The following COL5A1 variants were observed in gnomAD, a reference collection of about 807,000 sequenced individuals.
COL5A1 encodes the protein collagen type V alpha 1 chain.
A neutral mutation model predicts 263.7 loss-of-function variants in COL5A1; 16 were observed. The observed-to-expected ratio is 0.06, with a 90% CI of 0.04 to 0.09. The LOEUF is 0.09. Ranked by LOEUF, COL5A1 falls within the 10% of genes least tolerant of loss-of-function variation. The probability of loss-of-function intolerance (pLI) is 1.00; values close to 1 mark genes in which losing one functional copy is unlikely to be tolerated. For synonymous variants in COL5A1, 1,012 were observed against 1,004.5 expected, an observed-to-expected ratio of 1.01 and a Z score of -0.14; for missense variants, 2,036 against 2,540.5, an observed-to-expected ratio of 0.80 and a Z score of 4.27.
chr9:134,650,480 G>A (rs1420788266), intron 1 of COL5A1, among the ~76,000 whole-genome samples: 1 of 152,258 alleles, frequency 6.6e-6, no homozygotes, highest in African/African-American at 2.4e-5. Flanking sequence ...CTGTGCGGGG[G>A]GCACAGGTGA....
chr9:134,729,969 T>G (rs879722504), intron 6 of COL5A1, among the ~76,000 whole-genome samples: 2 of 152,200 alleles, frequency 1.3e-5, no homozygotes, highest in Non-Finnish European at 2.9e-5. Context: ...CCTTTTCTGG[T>G]GTGTAACTGG....
rs771221331 is a variant in COL5A1, at chr9:134,789,888, G to A, written c.2700+680G>A. Among the ~76,000 whole-genome samples, 33 of 152,354 alleles carry A rather than the reference G, an allele frequency of 2.2e-4. No individual in the cohort carries two copies. The highest frequency in any genetic ancestry group is 4.3e-4 in the Non-Finnish European group (29 of 68,036). ...CCACTTGGGAAAACAGGAGAGAGAT[G>A]GTCCTCAGGCCTTGGACTCTGAGCT... On this transcript the variant is annotated intron_variant, in intron 32 of 65. Coordinates refer to ENST00000371817, the MANE Select transcript of COL5A1 (RefSeq NM_000093.5). This position sits in a 1 kb window ranked among gnomAD's most constrained non-coding sequence, Gnocchi z 4.8.
chr9:134,778,191 G>A (rs966070514), intron 27 of COL5A1, among the ~76,000 whole-genome samples: 9 of 152,150 alleles, frequency 5.9e-5, no homozygotes, highest in Admixed American at 2.6e-4. Context: ...AAACTCTGGG[G>A]GCTTCCAGCC....
At chr9:134,792,770 T>C (rs200725840) in intron 32 of COL5A1, among the ~76,000 whole-genome samples, 2 of 41,996 alleles carry the variant, frequency 4.8e-5, no homozygotes, top group Admixed American at 2.4e-4. Context: ...TGTGTGTGTG[T>C]GCGTGTGTGT....
At chr9:134,807,689 T>C (rs1020452111) in intron 42 of COL5A1, among the ~76,000 whole-genome samples, 1 of 152,204 alleles carries the variant, frequency 6.6e-6, no homozygotes, top group South Asian at 2.1e-4. Context: ...GGAAACCACA[T>C]TGGAAACATC....
In COL5A1 at chr9:134,814,424, G is replaced by A. The variant is rs901925448; in HGVS notation, c.3907-373G>A. 3.3e-5 allele frequency among the ~76,000 whole-genome samples: 5 copies of A among 152,334 alleles called. No homozygotes were observed. The East Asian group carries it at 9.7e-4, about 29-fold the overall frequency. ...AGCCCAAAGGTGGCTTTCAGGCCCA[G>A]GACCAGCTGGGTGGACTCGGGTCTT... On this transcript the variant is annotated intron_variant, in intron 49 of 65. Transcript: ENST00000371817.
chr9:134,685,644 CCATGCATCCATT>C (rs1833042962), intron 1 of COL5A1, among the ~76,000 whole-genome samples: 1 of 135,846 alleles, frequency 7.4e-6, no homozygotes, highest in Non-Finnish European at 1.6e-5. Context: ...CACCATCCAT[CCATGCATCCATT>C]CATCCATCCA....
At chr9:134,695,613 A>G (rs947220879) in intron 2 of COL5A1, among the ~76,000 whole-genome samples, 1 of 152,170 alleles carries the variant, frequency 6.6e-6, no homozygotes, top group Admixed American at 6.5e-5. Context: ...ACCCCCATAG[A>G]GCAGGATAGG....
chr9:134,709,908 A>C (rs1188116798), intron 4 of COL5A1, among the ~76,000 whole-genome samples: 1 of 151,938 alleles, frequency 6.6e-6, no homozygotes, highest in East Asian at 1.9e-4. Context: ...GCTGCGGTGG[A>C]GGGGGAGCAA....
At position 134,814,035 on chromosome 9, in the gene COL5A1, C is replaced by T. The variant is rs201920777; in HGVS notation, c.3905C>T (p.Pro1302Leu). ...EPGLPGEGGP[P>L]GPKGERGEKG... Reference sequence around the variant, plus strand: ...GGCCTTCCGGGAGAAGGCGGCCCCCCGGTGAGTGAGCGGGCGCTGCGGGAG... The same window carrying T: ...GGCCTTCCGGGAGAAGGCGGCCCCCTGGTGAGTGAGCGGGCGCTGCGGGAG... Residue 1302 changes from proline (P) to leucine (L), a missense_variant and splice_region_variant, in exon 49 of 66, where the codon CCG (proline) becomes CTG (leucine). Pro to Leu is a moderately conservative substitution (Grantham distance 98, BLOSUM62 -3). Around this residue, in one of 3 missense-constraint regions of COL5A1, gnomAD observed 1,078 missense variants for 1,521.4 expected, o/e 0.71. Transcript: ENST00000371817. 96 of 1,550,608 alleles carry T rather than the reference C, an allele frequency of 6.2e-5. No homozygotes were observed. The highest frequency in any genetic ancestry group is 1.7e-4 in the Middle Eastern group (1 of 6,014).
chr9:134,802,768 G>T, intron 38 of COL5A1, 120 bp from the exon 39 acceptor site: 1 of 773,298 alleles, frequency 1.3e-6, no homozygotes, highest in Non-Finnish European at 2.2e-6. Flanking sequence ...TTGGAGGTTT[G>T]GTGTGCCCGC....
chr9:134,651,668 G>T (rs2132473437), intron 1 of COL5A1, among the ~76,000 whole-genome samples: 1 of 152,332 alleles, frequency 6.6e-6, no homozygotes, highest in African/African-American at 2.4e-5. Flanking sequence ...GGGGTGACAG[G>T]CAAGCCTGGG....
intron 32 of COL5A1, among the ~76,000 whole-genome samples, chr9:134,790,846 T>C (rs558551778): frequency 3.4e-4 from 52 of 151,940 alleles, no homozygotes; most frequent in Non-Finnish European, 7.4e-5. Flanking sequence ...GCTCCTGTGC[T>C]GGGGGACCTT....
chr9:134,825,959 C>T lies in COL5A1; in HGVS notation c.5067+55C>T, dbSNP rs1839248326. On this transcript the variant is annotated intron_variant, in intron 63 of 65. Transcript: ENST00000371817. Reference sequence around the variant, plus strand: ...GCGGGGCAGGCGTCACAGACAGGGCCATGCCGAGGGCTTCAAGCATTTCTT... The same window carrying T: ...GCGGGGCAGGCGTCACAGACAGGGCTATGCCGAGGGCTTCAAGCATTTCTT... The T allele has an allele frequency of 3.5e-6, 4 of 1,149,760 alleles. No homozygotes were observed. In the South Asian group the frequency reaches 4.9e-5, roughly 14 times the overall value. The allele number at this position is 1,149,760 out of a possible 1,614,324, so 71.2% of individuals were successfully genotyped here.
intron 36 of COL5A1, 58 bp downstream of exon 36, chr9:134,796,959 T>G (rs1441414265): frequency 1.4e-6 from 2 of 1,431,510 alleles, no homozygotes; most frequent in African/African-American, 1.5e-5. Flanking sequence ...AACCCACCTG[T>G]CCCCTCCAAA....
chr9:134,745,554 G>A (rs1258283045), intron 11 of COL5A1, among the ~76,000 whole-genome samples: 3 of 152,172 alleles, frequency 2.0e-5, no homozygotes, highest in Non-Finnish European at 4.4e-5. Context: ...TCTGGTTGAG[G>A]GGTGCGGTCT....
At chr9:134,806,475 CTGAGGAGCACAGGAGGAGTCCTGGTG>C (rs887821707) in intron 42 of COL5A1, among the ~76,000 whole-genome samples, 179 bp downstream of exon 42, 88 of 152,284 alleles carry the variant, frequency 5.8e-4, no homozygotes, top group Middle Eastern at 3.4e-3. Flanking sequence ...GGTGACCTGC[CTGAGGAGCACAGGAGGAGTCCTGGTG>C]CCGGCCACAT....
At chr9:134,811,963 T>A (rs1420124429) in intron 46 of COL5A1, among the ~76,000 whole-genome samples, 1 of 152,214 alleles carries the variant, frequency 6.6e-6, no homozygotes, top group African/African-American at 2.4e-5. Context: ...GAGGCGCATA[T>A]GTAATTGTAT....
rs114440673 is a variant in COL5A1 at position 134,675,813 on chromosome 9, G to A, written c.110-15099G>A. Among the ~76,000 whole-genome samples the A allele has an allele frequency of 6.7e-3, 1,020 of 152,292 alleles. 11 individuals are homozygous for A. The highest frequency in any genetic ancestry group is 0.019 in the African/African-American group (800 of 41,538). ...GCTGCTTGAGCTTCCCCACAGCATG[G>A]TGTCTTGGTCCTAAGAAGGAGCATT... On this transcript the variant is annotated intron_variant, in intron 1 of 65. Coordinates refer to ENST00000371817, the MANE Select transcript of COL5A1 (RefSeq NM_000093.5).
Sources: allele counts gnomAD v4.1 joint callset (sites outside exome capture counted in the v4.1 genomes callset), GRCh38; gene constraint gnomAD v4.1.1; regional missense constraint gnomAD v4.1.1; non-coding constraint Gnocchi (gnomAD v3.1); transcripts MANE v1.5; gene names NCBI Gene and HGNC (gene_info 2026-07-23, HGNC 2026-07-21).